GLIPR1L2: variants seen among roughly 807,000 people sequenced by gnomAD.
GLIPR1L2 encodes GLIPR1 like 2.
In GLIPR1L2, 21 loss-of-function variants were observed where a neutral mutation model predicts 28.4. The ratio of observed to expected loss-of-function variants is 0.74; its 90% CI spans 0.52 to 1.06. GLIPR1L2 has a LOEUF of 1.06. Among genes scored for constraint, GLIPR1L2 ranks in the 50% least tolerant of loss-of-function variants. The pLI, the probability that GLIPR1L2 is intolerant of heterozygous loss-of-function variation, is 0.00. For missense variants in GLIPR1L2, 476 were observed against 416.9 expected, an observed-to-expected ratio of 1.14 and a Z score of -1.23; for synonymous variants, 145 against 139.3, an observed-to-expected ratio of 1.04 and a Z score of -0.29.
intron 1 of GLIPR1L2, among the ~76,000 whole-genome samples, chr12:75,393,194 TA>T (rs899204490): frequency 6.6e-6 from 1 of 152,138 alleles, no homozygotes; most frequent in African/African-American, 2.4e-5. Context: ...ACCTTGCTTT[TA>T]AATACCAAAA....
intron 3 of GLIPR1L2, among the ~76,000 whole-genome samples, chr12:75,417,809 C>T (rs1236681819): frequency 6.6e-6 from 1 of 151,920 alleles, no homozygotes; most frequent in Non-Finnish European, 1.5e-5. Context: ...ATTTACTAGT[C>T]CTTATTTTTC....
intron 4 of GLIPR1L2, among the ~76,000 whole-genome samples, chr12:75,429,128 G>A (rs889631566): frequency 1.3e-5 from 2 of 152,158 alleles, no homozygotes; most frequent in Admixed American, 6.5e-5. Flanking sequence ...ATGACAACTT[G>A]CACTATGTGC....
intron 4 of GLIPR1L2, among the ~76,000 whole-genome samples, chr12:75,429,025 G>A (rs534733154): frequency 1.6e-4 from 24 of 152,336 alleles, no homozygotes; most frequent in Middle Eastern, 3.4e-3. Flanking sequence ...ATGCAGAGGG[G>A]AAATGTGGAG....
At chr12:75,404,509 A>G (rs919128495) in intron 1 of GLIPR1L2, among the ~76,000 whole-genome samples, 1 of 152,164 alleles carries the variant, frequency 6.6e-6, no homozygotes, top group Non-Finnish European at 1.5e-5. Flanking sequence ...ATACAAGCAT[A>G]TATTTTTATT....
At chr12:75,430,584 G>A in intron 4 of GLIPR1L2, 131 bp from the exon 5 acceptor site, 1 of 786,704 alleles carries the variant, frequency 1.3e-6, no homozygotes, top group Non-Finnish European at 2.0e-6. Flanking sequence ...TTGGCCACTG[G>A]TTGGAGGGAG....
Position 75,431,114 on chromosome 12 carries a change from G to A in GLIPR1L2, c.988G>A (p.Glu330Lys), listed in dbSNP as rs529718611. ...MEEEKEEREE[E>K]EEETQKEKME... ...GGAGGAAAAAGAAGAGAGAGAGGAG[G>A]AGGAGGAGGAAACACAAAAAGAAAA... The change falls in exon 6 of 6, where the codon GAG (glutamate) becomes AAG (lysine). Residue 330 changes from glutamate (E) to lysine (K), a missense_variant. Coordinates refer to ENST00000550916, the MANE Select transcript of GLIPR1L2 (RefSeq NM_001270396.2). 2.0e-6 allele frequency: 2 copies of A among 1,004,186 alleles called. No homozygotes were observed. Among genetic ancestry groups the A allele is most frequent in the Non-Finnish European group, 1.5e-6 (1 of 667,470 alleles). 62.2% of individuals were successfully genotyped at this position (1,004,186 alleles called of 1,614,324 possible).
chr12:75,424,330 T>G (rs938591129), intron 4 of GLIPR1L2, among the ~76,000 whole-genome samples: 22 of 152,230 alleles, frequency 1.4e-4, no homozygotes, highest in Non-Finnish European at 2.6e-4. Flanking sequence ...GATGATGAAC[T>G]TTTTTTCTTG....
rs192851160 is a variant in GLIPR1L2 at position 75,393,994 on chromosome 12, C to T, written c.234+2644C>T. Among the ~76,000 whole-genome samples, 40 of 152,018 alleles carry T rather than the reference C, an allele frequency of 2.6e-4. 1 individual carries two copies. In the East Asian group the frequency reaches 5.2e-3, roughly 20 times the overall value. On this transcript the variant is annotated intron_variant, in intron 1 of 5. Coordinates refer to ENST00000550916, the MANE Select transcript of GLIPR1L2 (RefSeq NM_001270396.2). ...AGTGATACCTCACTGTATTTTTTAT[C>T]TGCATTTCCCTAATGATTACTGATA...
rs1309563284 is a variant in GLIPR1L2, at chr12:75,421,503, A to G, written c.585-1401A>G. Among the ~76,000 whole-genome samples the G allele has an allele frequency of 3.9e-5, 6 of 152,338 alleles. No homozygotes were observed. The East Asian group carries it at 9.6e-4, about 24-fold the overall frequency. ...GAAGGCCTAACCAAGGACTTAAATAATGAATGTTTGTTTTTATAGCTCCCA... is the reference window on the plus strand; with the variant it reads ...GAAGGCCTAACCAAGGACTTAAATAGTGAATGTTTGTTTTTATAGCTCCCA... On this transcript the variant is annotated intron_variant, in intron 3 of 5. Coordinates refer to ENST00000550916, the MANE Select transcript of GLIPR1L2 (RefSeq NM_001270396.2).
intron 4 of GLIPR1L2, among the ~76,000 whole-genome samples, chr12:75,430,067 C>T (rs1184140354): frequency 6.6e-6 from 1 of 151,686 alleles, no homozygotes; most frequent in Non-Finnish European, 1.5e-5. Context: ...TCCCAAGTAG[C>T]TGAGACTACA....
At chr12:75,415,250 A>G (rs1306512174) in intron 3 of GLIPR1L2, among the ~76,000 whole-genome samples, 1 of 152,134 alleles carries the variant, frequency 6.6e-6, no homozygotes, top group Non-Finnish European at 1.5e-5. Context: ...TGACAAAGCC[A>G]TTGGAAGGTC....
Position 75,431,363 on chromosome 12 carries a change from A to C in GLIPR1L2, c.*202A>C. ...TTTGTAAAACAAAGAAACAAAAAACATGTAAGGTGGGCTCTTTGACACTAA... is the reference window on the plus strand; with the variant it reads ...TTTGTAAAACAAAGAAACAAAAAACCTGTAAGGTGGGCTCTTTGACACTAA... On this transcript the variant is annotated 3_prime_UTR_variant, in exon 6 of 6. Coordinates refer to ENST00000550916, the MANE Select transcript of GLIPR1L2 (RefSeq NM_001270396.2). 2.2e-6 allele frequency: 1 copy of C among 458,162 alleles called. No homozygotes were observed. 28.4% of individuals were successfully genotyped at this position (458,162 alleles called of 1,614,324 possible).
chr12:75,413,602 T>G lies in GLIPR1L2; in HGVS notation c.485T>G (p.Val162Gly), dbSNP rs1372191865. The change falls in exon 3 of 6, where the codon GTT becomes GGT. Residue 162 changes from valine to glycine, a missense_variant. Physicochemically the swap from Val to Gly is moderately radical, Grantham distance 109. Transcript: ENST00000550916. ...SGDCSNYIQL[V>G]WDHSYKVGCA... ...TTCTTGAAAATTTTATTTTAGCTTG[T>G]TTGGGACCACTCTTACAAAGTTGGT... The G allele has an allele frequency of 1.9e-6, 3 of 1,540,864 alleles. No individual in the cohort carries two copies. The African/African-American group carries it at 4.2e-5, about 22-fold the overall frequency.
At chr12:75,408,433 A>AAAT (rs10532059) in intron 1 of GLIPR1L2, among the ~76,000 whole-genome samples, 2,798 of 151,180 alleles carry the variant, frequency 0.019, 70 homozygotes, top group African/African-American at 0.064. Context: ...GGGAAAACAG[A>AAAT]AATAATAATA....
intron 4 of GLIPR1L2, among the ~76,000 whole-genome samples, chr12:75,428,565 A>G (rs574267948): frequency 6.6e-6 from 1 of 152,342 alleles, no homozygotes; most frequent in South Asian, 2.1e-4. Context: ...CTGGCTGCAG[A>G]AATTTGCATA....
chr12:75,401,159 CTG>C (rs2045737193), intron 1 of GLIPR1L2, among the ~76,000 whole-genome samples: 2 of 151,598 alleles, frequency 1.3e-5, no homozygotes, highest in Admixed American at 6.6e-5. Context: ...TTTTAAAAAA[CTG>C]TAAACATAAA....
chr12:75,401,642 A>G (rs915192335), intron 1 of GLIPR1L2, among the ~76,000 whole-genome samples: 1 of 152,042 alleles, frequency 6.6e-6, no homozygotes, highest in Non-Finnish European at 1.5e-5. Context: ...CATAAAGAAA[A>G]ACTTAAGTAG....
chr12:75,405,134 C>T (rs921054501), intron 1 of GLIPR1L2, among the ~76,000 whole-genome samples: 15 of 152,144 alleles, frequency 9.9e-5, no homozygotes, highest in African/African-American at 3.6e-4. Context: ...TATACAAACA[C>T]TTTGTATGAA....
At position 75,400,259 on chromosome 12, in the gene GLIPR1L2, C is replaced by T. The variant is rs199857243; in HGVS notation, c.234+8909C>T. Among the ~76,000 whole-genome samples, 217 of 152,238 alleles carry T rather than the reference C, an allele frequency of 1.4e-3. No individual in the cohort carries two copies. In the East Asian group the frequency reaches 0.024, roughly 17 times the overall value. ...TCAGCCTCCCGAGTAGCTGGGACTACAGGCACCTGCCACCACGCCCGGCTA... is the reference window on the plus strand; with the variant it reads ...TCAGCCTCCCGAGTAGCTGGGACTATAGGCACCTGCCACCACGCCCGGCTA... On this transcript the variant is annotated intron_variant, in intron 1 of 5. Transcript: ENST00000550916.
Sources: gnomAD v4.1 joint callset for allele counts (sites outside exome capture counted in the v4.1 genomes callset) on GRCh38, gnomAD v4.1.1 for gene constraint, MANE v1.5 for transcripts, NCBI Gene and HGNC (gene_info 2026-07-23, HGNC 2026-07-21) for gene names.